ATF7IP: variants seen among roughly 807,000 people sequenced by gnomAD.
ATF7IP encodes activating transcription factor 7-interacting protein 1.
Under a neutral mutation model 106.4 loss-of-function variants are expected in ATF7IP, and 23 were observed. That is an observed-to-expected ratio of 0.22 (90% CI 0.16 to 0.31). The LOEUF is 0.31. Ranked by LOEUF, ATF7IP falls within the 10% of genes least tolerant of loss-of-function variation. ATF7IP has a pLI of 1.00. For missense variants in ATF7IP, 1,334 were observed against 1,524.3 expected (o/e 0.88, Z 2.08); for synonymous variants, 542 against 539.0 (o/e 1.01, Z -0.08).
chr12:14,388,590 G>T (rs193029257), intron 1 of ATF7IP, among the ~76,000 whole-genome samples: 1 of 151,970 alleles, frequency 6.6e-6, no homozygotes, highest in Non-Finnish European at 1.5e-5. Context: ...AAAGTGATCC[G>T]CCTGCCTAGG....
rs1481963244 is a variant in ATF7IP, at chr12:14,498,060, C to G, written c.3800C>G (p.Thr1267Ser). ...CAGTCAACAGATGTGATCTCTTCTACCCAGAGCAGTTAAACCTTGGAGCCT... is the reference window on the plus strand; with the variant it reads ...CAGTCAACAGATGTGATCTCTTCTAGCCAGAGCAGTTAAACCTTGGAGCCT... Reference protein sequence around the residue: ...DPQSTDVISSTQSS With the variant: ...DPQSTDVISSSQSS The change falls in exon 15 of 15, where the codon ACC becomes AGC. Residue 1267 changes from threonine to serine, a missense_variant. Around this residue, in one of 10 missense-constraint regions of ATF7IP, gnomAD observed 80 missense variants for 157.0 expected, o/e 0.51. Transcript: ENST00000261168. 29 of 1,585,220 alleles carry G rather than the reference C, an allele frequency of 1.8e-5. No individual in the cohort carries two copies. The highest frequency in any genetic ancestry group is 2.4e-5 in the Non-Finnish European group (28 of 1,160,188).
intron 1 of ATF7IP, among the ~76,000 whole-genome samples, chr12:14,402,631 C>G (rs1940310180): frequency 1.5e-5 from 2 of 131,272 alleles, no homozygotes; most frequent in Non-Finnish European, 3.1e-5. Flanking sequence ...TTTTTTGAGA[C>G]AAAGTCTCCC....
chr12:14,460,405 C>A, intron 8 of ATF7IP, 90 bp from the exon 9 acceptor site: 1 of 1,278,474 alleles, frequency 7.8e-7, no homozygotes, highest in Non-Finnish European at 1.1e-6. Context: ...CAATGTATTA[C>A]GCAATGTATT....
chr12:14,449,457 G>C (rs954008558), intron 6 of ATF7IP, among the ~76,000 whole-genome samples: 1 of 151,988 alleles, frequency 6.6e-6, no homozygotes, highest in Non-Finnish European at 1.5e-5. Flanking sequence ...GTATATGTGA[G>C]TTTATTTCTA....
chr12:14,500,673 T>G lies in ATF7IP; in HGVS notation c.*2600T>G, dbSNP rs1360961363. On this transcript the variant is annotated 3_prime_UTR_variant, in exon 15 of 15. Transcript: ENST00000261168. The stretch of plus-strand genomic sequence containing the variant: ...TATGGTCACGTGGTAACAATTTTCT[T>G]ACCTAACCTACAAAAGGTTCTCTTG... The G allele has an allele frequency of 6.6e-6, 1 of 152,208 alleles. No individual in the cohort carries two copies. Among genetic ancestry groups the G allele is most frequent in the Non-Finnish European group, 1.5e-5 (1 of 68,026 alleles). The allele number at this position is 152,208 out of a possible 1,614,324, so 9.4% of individuals were successfully genotyped here.
intron 6 of ATF7IP, among the ~76,000 whole-genome samples, chr12:14,455,801 G>T (rs1943403017): frequency 6.6e-6 from 1 of 152,006 alleles, no homozygotes; most frequent in Non-Finnish European, 1.5e-5. Flanking sequence ...TGCCCAGGCT[G>T]GTCTGTAACT....
chr12:14,452,780 C>T (rs1162494996), intron 6 of ATF7IP, among the ~76,000 whole-genome samples: 1 of 152,018 alleles, frequency 6.6e-6, no homozygotes, highest in Non-Finnish European at 1.5e-5. Context: ...CTGTATTTTT[C>T]TCCTTATCAA....
intron 10 of ATF7IP, among the ~76,000 whole-genome samples, chr12:14,475,031 T>C (rs1944209312): frequency 6.6e-6 from 1 of 152,244 alleles, no homozygotes; most frequent in Non-Finnish European, 1.5e-5. Context: ...GGCATTATTT[T>C]CTTTAATTTC....
At chr12:14,383,214 C>T (rs1939071457) in intron 1 of ATF7IP, among the ~76,000 whole-genome samples, 1 of 152,120 alleles carries the variant, frequency 6.6e-6, no homozygotes, top group African/African-American at 2.4e-5. Context: ...GATGTCCAAC[C>T]TGTATTATTA....
chr12:14,458,950 A>G (rs1276883619), intron 8 of ATF7IP, among the ~76,000 whole-genome samples: 1 of 152,102 alleles, frequency 6.6e-6, no homozygotes, highest in Non-Finnish European at 1.5e-5. Context: ...TTATTAATAA[A>G]TATTATTTTT....
chr12:14,458,801 C>T (rs981766450), intron 8 of ATF7IP, among the ~76,000 whole-genome samples: 3 of 151,354 alleles, frequency 2.0e-5, no homozygotes, highest in African/African-American at 4.9e-5. Flanking sequence ...CGATCCTGGG[C>T]GCTAGAGGCA....
chr12:14,453,863 GA>G (rs1254920522), intron 6 of ATF7IP, among the ~76,000 whole-genome samples: 42 of 152,142 alleles, frequency 2.8e-4, no homozygotes, highest in Admixed American at 2.8e-3. Context: ...GACCTCAGGT[GA>G]TCTGCCCGCC....
At chr12:14,367,105 T>G (rs1275094205) in intron 1 of ATF7IP, among the ~76,000 whole-genome samples, 1 of 152,180 alleles carries the variant, frequency 6.6e-6, no homozygotes, top group Non-Finnish European at 1.5e-5. Context: ...CTTGCAAATG[T>G]TTTCCATAGA....
At chr12:14,478,522 A>G (rs755563431) in intron 12 of ATF7IP, 50 bp downstream of exon 12, 5 of 1,592,110 alleles carry the variant, frequency 3.1e-6, no homozygotes, top group South Asian at 1.1e-5. Context: ...CCTGTAGAGA[A>G]CTATGACTAT....
chr12:14,416,619 T>C (rs1418042699), intron 1 of ATF7IP, among the ~76,000 whole-genome samples: 1 of 152,212 alleles, frequency 6.6e-6, no homozygotes, highest in East Asian at 1.9e-4. Flanking sequence ...CAGACCCTAG[T>C]TTATTTAATC....
chr12:14,481,107 C>T lies in ATF7IP; in HGVS notation c.3202C>T (p.Pro1068Ser). ...ANHQVVYTTLPAPPAQAPLRG... is the reference protein window; with the variant it reads ...ANHQVVYTTLSAPPAQAPLRG... ...CCACCAGGTGGTTTATACAACTCTTCCTGCACCACCAGCTCAGGCTCCCTT... is the reference window on the plus strand; with the variant it reads ...CCACCAGGTGGTTTATACAACTCTTTCTGCACCACCAGCTCAGGCTCCCTT... Residue 1068 changes from proline to serine, a missense_variant, in exon 13 of 15, where the codon CCT (proline) becomes TCT (serine). Physicochemically the swap from Pro to Ser is moderately conservative, Grantham distance 74. Coordinates refer to ENST00000261168, the MANE Select transcript of ATF7IP (RefSeq NM_018179.5). 1 of 1,614,064 alleles carries T rather than the reference C, an allele frequency of 6.2e-7. No homozygotes were observed. Among genetic ancestry groups the T allele is most frequent in the South Asian group, 1.1e-5 (1 of 91,082 alleles).
rs577810259 is a variant in ATF7IP, at chr12:14,421,430, CTCTGAGGGT to C, written c.-7-2478_-7-2470del. On this transcript the variant is annotated intron_variant, in intron 1 of 14. Transcript: ENST00000261168. ...CACGGTGTTGTCATTGCCATTCTCC[CTCTGAGGGT>C]GCTGAGGGAAGGATCTGTTCCAGGC... 5.3e-4 allele frequency among the ~76,000 whole-genome samples: 80 copies of C among 152,274 alleles called. 1 individual carries two copies. The South Asian group carries it at 0.016, about 31-fold the overall frequency.
In ATF7IP at chr12:14,500,531, T is replaced by C. The variant is rs376663213; in HGVS notation, c.*2458T>C. On this transcript the variant is annotated 3_prime_UTR_variant, in exon 15 of 15. Coordinates refer to ENST00000261168, the MANE Select transcript of ATF7IP (RefSeq NM_018179.5). Reference sequence around the variant, plus strand: ...TTCTAGATGTATATGAACACCTGTCTATATCTGCATGTATATGTTTTGACC... The same window carrying C: ...TTCTAGATGTATATGAACACCTGTCCATATCTGCATGTATATGTTTTGACC... 8.5e-5 allele frequency: 13 copies of C among 152,210 alleles called. No homozygotes were observed. In the East Asian group the frequency reaches 1.2e-3, roughly 14 times the overall value. 9.4% of individuals were successfully genotyped at this position (152,210 alleles called of 1,614,324 possible).
intron 1 of ATF7IP, among the ~76,000 whole-genome samples, chr12:14,400,603 T>C (rs2136461297): frequency 6.6e-6 from 1 of 152,280 alleles, no homozygotes; most frequent in Middle Eastern, 3.4e-3. Flanking sequence ...TTAAGGGCTT[T>C]TGTTTTTGTA....
Sources: allele counts gnomAD v4.1 joint callset (sites outside exome capture counted in the v4.1 genomes callset), GRCh38; gene constraint gnomAD v4.1.1; regional missense constraint gnomAD v4.1.1; transcripts MANE v1.5; gene names NCBI Gene and HGNC (gene_info 2026-07-23, HGNC 2026-07-21).